Variants in DHODH observed in about 807,000 individuals in gnomAD.
DHODH encodes dihydroorotate dehydrogenase (quinone), mitochondrial.
DHODH carries 30 observed loss-of-function variants against 39.7 expected under a neutral mutation model. The ratio of observed to expected loss-of-function variants is 0.76; its 90% CI spans 0.57 to 1.02. The LOEUF (loss-of-function observed/expected upper bound fraction) is 1.02, where lower values mean the gene tolerates loss of function less well. Among genes scored for constraint, DHODH ranks in the 50% least tolerant of loss-of-function variants. The pLI is 0.00. For synonymous variants in DHODH, 222 were observed against 213.8 expected, an observed-to-expected ratio of 1.04 and a Z score of -0.34; for missense variants, 531 against 520.8, an observed-to-expected ratio of 1.02 and a Z score of -0.19.
chr16:72,022,338 A>G, intron 5 of DHODH, 24 bp from the exon 6 acceptor site: 1 of 1,542,050 alleles, frequency 6.5e-7, no homozygotes, highest in South Asian at 1.2e-5. Context: ...CGGGGTCCCC[A>G]GCTCTGGCCG....
rs1224887743 is a variant in DHODH at position 72,017,572 on chromosome 16, G to A, written c.517+466G>A. 4.6e-5 allele frequency among the ~76,000 whole-genome samples: 7 copies of A among 152,104 alleles called. No individual in the cohort carries two copies. In the East Asian group the frequency reaches 1.2e-3, roughly 25 times the overall value. The stretch of plus-strand genomic sequence containing the variant: ...AAACAGATACTCCTCCCTACTCAAG[G>A]CTAACTAATATTAGCATTTGGGAAA... On this transcript the variant is annotated intron_variant, in intron 4 of 8. Coordinates refer to ENST00000219240, the MANE Select transcript of DHODH (RefSeq NM_001361.5).
At position 72,014,537 on chromosome 16, in the gene DHODH, A is replaced by G; in HGVS notation, c.299A>G (p.His100Arg). ...PVGIAAGFDKHGEAVDGLYKM... is the reference protein window; with the variant it reads ...PVGIAAGFDKRGEAVDGLYKM... ...GGAATTGCTGCAGGATTTGACAAGC[A>G]TGGGGAAGCCGTGGACGGACTTTAT... Residue 100 changes from histidine to arginine, a missense_variant, in exon 3 of 9, where the codon CAT becomes CGT. Physicochemically the swap from His to Arg is conservative, Grantham distance 29. Coordinates refer to ENST00000219240, the MANE Select transcript of DHODH (RefSeq NM_001361.5). The G allele has an allele frequency of 1.2e-6, 2 of 1,614,212 alleles. No homozygotes were observed. Among genetic ancestry groups the G allele is most frequent in the East Asian group, 2.2e-5 (1 of 44,890 alleles).
rs4788600 is a variant in DHODH, at chr16:72,014,181, G to T, written c.235-292G>T. Among the ~76,000 whole-genome samples the T allele has an allele frequency of 0.44, 67,525 of 152,034 alleles. 16,022 individuals carry two copies. Among genetic ancestry groups the T allele is most frequent in the East Asian group, 0.73 (3,785 of 5,156 alleles). Reference sequence around the variant, plus strand: ...ATTGGAAAAGACAGTGCTCGTCTCCGCTTCAACCCACGGTGGAAACACCAT... The same window carrying T: ...ATTGGAAAAGACAGTGCTCGTCTCCTCTTCAACCCACGGTGGAAACACCAT... On this transcript the variant is annotated intron_variant, in intron 2 of 8. Coordinates refer to ENST00000219240, the MANE Select transcript of DHODH (RefSeq NM_001361.5).
intron 1 of DHODH, 37 bp from the exon 2 acceptor site, chr16:72,012,013 G>C: frequency 6.3e-7 from 1 of 1,589,252 alleles, no homozygotes; most frequent in South Asian, 1.1e-5. Flanking sequence ...GCTGCAGCCT[G>C]GCCTGGGGGA....
chr16:72,025,076 T>C lies in DHODH; in HGVS notation c.*877T>C, dbSNP rs2041264694. 1 of 152,254 alleles carries C rather than the reference T, an allele frequency of 6.6e-6. No individual in the cohort carries two copies. The highest frequency in any genetic ancestry group is 2.1e-4 in the South Asian group (1 of 4,830). The allele number at this position is 152,254 out of a possible 1,614,324, so 9.4% of individuals were successfully genotyped here. On this transcript the variant is annotated 3_prime_UTR_variant, in exon 9 of 9. Coordinates refer to ENST00000219240, the MANE Select transcript of DHODH (RefSeq NM_001361.5). ...TTATTATTGCTGAGTCATTGGTGCC[T>C]TATTCTTCAGTGTTTCAGTCTGTAT...
chr16:72,010,702 AC>A (rs1330534636), intron 1 of DHODH, among the ~76,000 whole-genome samples: 2 of 152,150 alleles, frequency 1.3e-5, no homozygotes, highest in Non-Finnish European at 2.9e-5. Context: ...CACCCCCGTT[AC>A]CTTGAAATGG....
chr16:72,008,819 A>T, intron 1 of DHODH, 34 bp downstream of exon 1: 1 of 1,552,296 alleles, frequency 6.4e-7, no homozygotes, highest in Non-Finnish European at 8.7e-7. Context: ...TGGATGGGGG[A>T]CCAGGGACCG....
At chr16:72,014,299 A>T in intron 2 of DHODH, 174 bp from the exon 3 acceptor site, 1 of 639,758 alleles carries the variant, frequency 1.6e-6, no homozygotes, top group Non-Finnish European at 2.7e-6. Flanking sequence ...TGTTAAAAAT[A>T]GTTCCCCCAG....
rs370994717 is a variant in DHODH, at chr16:72,026,607, C to T, written c.*2408C>T. The stretch of plus-strand genomic sequence containing the variant: ...TATTGGCCAGGCTGGTCTCGAACTC[C>T]TGACCTCTTGGTCCACCCGCCTCAG... On this transcript the variant is annotated 3_prime_UTR_variant, in exon 9 of 9. Coordinates refer to ENST00000219240, the MANE Select transcript of DHODH (RefSeq NM_001361.5). 3.3e-5 allele frequency: 5 copies of T among 150,234 alleles called. No individual in the cohort carries two copies. Among genetic ancestry groups the T allele is most frequent in the African/African-American group, 1.2e-4 (5 of 41,384 alleles). 9.3% of individuals were successfully genotyped at this position (150,234 alleles called of 1,614,324 possible). A position where few individuals can be genotyped will look rare whatever the true frequency, so the allele number is the denominator to read the frequency against.
chr16:72,022,583 T>G, intron 6 of DHODH, 108 bp downstream of exon 6: 1 of 885,106 alleles, frequency 1.1e-6, no homozygotes, highest in Non-Finnish European at 1.8e-6. Context: ...CTCTCCTTGG[T>G]ATTCAAGGCT....
chr16:72,021,764 G>A (rs2041220065), intron 5 of DHODH, among the ~76,000 whole-genome samples: 1 of 152,118 alleles, frequency 6.6e-6, no homozygotes, highest in Non-Finnish European at 1.5e-5. Flanking sequence ...AGGAATTTGA[G>A]ACCAGCCTGG....
chr16:72,024,381 G>C lies in DHODH; in HGVS notation c.*182G>C, dbSNP rs2041257800. The C allele has an allele frequency of 4.4e-6, 3 of 676,930 alleles. No individual in the cohort carries two copies. Among genetic ancestry groups the C allele is most frequent in the South Asian group, 3.2e-5 (2 of 62,060 alleles). 41.9% of individuals were successfully genotyped at this position (676,930 alleles called of 1,614,324 possible). ...AACCGCAGGCTTTCTTCAGTCCCTTGGTCAGACCATAAACTGCATTTTTGA... is the reference window on the plus strand; with the variant it reads ...AACCGCAGGCTTTCTTCAGTCCCTTCGTCAGACCATAAACTGCATTTTTGA... On this transcript the variant is annotated 3_prime_UTR_variant, in exon 9 of 9. Coordinates refer to ENST00000219240, the MANE Select transcript of DHODH (RefSeq NM_001361.5).
At chr16:72,010,730 C>T (rs779483043) in intron 1 of DHODH, among the ~76,000 whole-genome samples, 5 of 152,112 alleles carry the variant, frequency 3.3e-5, no homozygotes, top group African/African-American at 1.2e-4. Context: ...TGTATAATGT[C>T]TTTGTATGTA....
At chr16:72,021,650 G>C (rs1482717509) in intron 5 of DHODH, among the ~76,000 whole-genome samples, 1 of 152,144 alleles carries the variant, frequency 6.6e-6, no homozygotes, top group Non-Finnish European at 1.5e-5. Flanking sequence ...AATATTTCCT[G>C]GTTATCTTTT....
At chr16:72,008,847 G>T (rs2041049217) in intron 1 of DHODH, 62 bp downstream of exon 1, 1 of 1,551,790 alleles carries the variant, frequency 6.4e-7, no homozygotes. Flanking sequence ...CGAGAACGGA[G>T]AGTCAGGCCG....
chr16:72,014,787 C>A, intron 3 of DHODH, 115 bp downstream of exon 3: 2 of 1,070,464 alleles, frequency 1.9e-6, no homozygotes, highest in Non-Finnish European at 2.8e-6. Flanking sequence ...ATTCTTCTGT[C>A]ATTTGGAATG....
chr16:72,020,136 C>T (rs547777516), intron 4 of DHODH, among the ~76,000 whole-genome samples: 6 of 151,796 alleles, frequency 4.0e-5, no homozygotes, highest in African/African-American at 9.7e-5. Context: ...ATTAGCTGGG[C>T]GTGGTGGCAC....
At chr16:72,017,550 CAG>C (rs1444443944) in intron 4 of DHODH, among the ~76,000 whole-genome samples, 2 of 152,138 alleles carry the variant, frequency 1.3e-5, no homozygotes, top group Admixed American at 1.3e-4. Context: ...GTTCAAGAAA[CAG>C]ATACTCCTCC....
intron 4 of DHODH, among the ~76,000 whole-genome samples, chr16:72,019,417 C>G (rs1322757545): frequency 6.6e-6 from 1 of 152,190 alleles, no homozygotes; most frequent in Non-Finnish European, 1.5e-5. Flanking sequence ...ATTTTGTGAG[C>G]TACTTGGTGT....
Sources: allele counts gnomAD v4.1 joint callset (sites outside exome capture counted in the v4.1 genomes callset), GRCh38; gene constraint gnomAD v4.1.1; transcripts MANE v1.5; gene names NCBI Gene and HGNC (gene_info 2026-07-23, HGNC 2026-07-21).